Variants in DNAH17 observed in about 807,000 individuals in gnomAD.
DNAH17 encodes the protein axonemal beta dynein heavy chain 17.
Under a neutral mutation model 485.6 loss-of-function variants are expected in DNAH17, and 376 were observed. The observed-to-expected ratio is 0.77, with a 90% CI of 0.71 to 0.84. The LOEUF is 0.84. Ranked by LOEUF, DNAH17 falls within the 40% of genes least tolerant of loss-of-function variation. The pLI is 0.00. For synonymous variants in DNAH17, 3,031 were observed against 2,405.9 expected, an observed-to-expected ratio of 1.26 and a Z score of -7.60; for missense variants, 6,370 against 5,839.3, an observed-to-expected ratio of 1.09 and a Z score of -2.96.
chr17:78,432,204 A>AAAAT (rs10656175), intron 75 of DNAH17, among the ~76,000 whole-genome samples: 5 of 150,316 alleles, frequency 3.3e-5, no homozygotes, highest in Admixed American at 6.7e-5. Context: ...ATAAATAAAT[A>AAAAT]AAATAAATAA....
rs191565822 is a variant in DNAH17 at position 78,445,693 on chromosome 17, C to T, written c.11212-13G>A. The T allele has an allele frequency of 1.9e-6, 3 of 1,589,446 alleles. No homozygotes were observed. The highest frequency in any genetic ancestry group is 1.3e-5 in the African/African-American group (1 of 74,528). On this transcript the variant is annotated splice_polypyrimidine_tract_variant and intron_variant, in intron 69 of 80. Coordinates refer to ENST00000389840, the MANE Select transcript of DNAH17 (RefSeq NM_173628.4). ...TCATGGACAGGACCTGGGGGAACAT[C>T]GAGGTGTACACACTTAACGCAGCCA...
Position 78,425,509 on chromosome 17 carries a change from G to A in DNAH17, c.12978C>T (p.Phe4326=), listed in dbSNP as rs752319772. 1.2e-6 allele frequency: 2 copies of A among 1,613,886 alleles called. No homozygotes were observed. The highest frequency in any genetic ancestry group is 1.7e-5 in the Admixed American group (1 of 60,030). Reference sequence around the variant, plus strand: ...TGGCCGTGAGGAACGACTGGGGGTTGAAGAAGCCGGCCAGCCACACGGTGG... The same window carrying A: ...TGGCCGTGAGGAACGACTGGGGGTTAAAGAAGCCGGCCAGCCACACGGTGG... ...LPTTVWLAGF[F]NPQSFLTAIM... is the part of the protein sequence containing the mutation. The change falls in exon 80 of 81, where the codon TTC becomes TTT. Residue 4326 remains phenylalanine, a synonymous_variant. Transcript: ENST00000389840.
chr17:78,454,982 C>A (rs768830841), intron 63 of DNAH17, among the ~76,000 whole-genome samples: 1 of 152,008 alleles, frequency 6.6e-6, no homozygotes, highest in African/African-American at 2.4e-5. Context: ...TGATCTTGGC[C>A]CACCGTAACC....
chr17:78,569,701 C>G (rs76659652), intron 7 of DNAH17, among the ~76,000 whole-genome samples, 174 bp from the exon 8 acceptor site: 1 of 152,250 alleles, frequency 6.6e-6, no homozygotes, highest in South Asian at 2.1e-4. Flanking sequence ...TTCCCCTCCT[C>G]GGCCCCTCAT....
At chr17:78,563,845 T>C (rs750287968) in intron 11 of DNAH17, among the ~76,000 whole-genome samples, 7 of 152,144 alleles carry the variant, frequency 4.6e-5, no homozygotes, top group Non-Finnish European at 8.8e-5. Context: ...GAAAATGTTC[T>C]TAGGTCAAAG....
In DNAH17 at chr17:78,525,331, C is replaced by T. The variant is rs79734879; in HGVS notation, c.3712-170G>A. 0.13 allele frequency among the ~76,000 whole-genome samples: 20,003 copies of T among 152,182 alleles called. 1,716 individuals carry two copies. Among genetic ancestry groups the T allele is most frequent in the Middle Eastern group, 0.23 (66 of 292 alleles). ...GGAGGGAGGACAGAGCCCTCCATCC[C>T]CCAAGGCCTCCTGGGTCCTGCCTGC... On this transcript the variant is annotated intron_variant, in intron 24 of 80. Transcript: ENST00000389840.
At chr17:78,545,487 G>T (rs953837739) in intron 16 of DNAH17, among the ~76,000 whole-genome samples, 1 of 152,112 alleles carries the variant, frequency 6.6e-6, no homozygotes, top group Admixed American at 6.5e-5. Flanking sequence ...GATGATGGCC[G>T]CCTTCTTGTT....
intron 56 of DNAH17, among the ~76,000 whole-genome samples, chr17:78,464,124 A>C (rs1175739255): frequency 6.6e-6 from 1 of 152,230 alleles, no homozygotes; most frequent in African/African-American, 2.4e-5. Flanking sequence ...AAAAGAAACA[A>C]GAGATGGTAA....
intron 62 of DNAH17, among the ~76,000 whole-genome samples, chr17:78,456,326 A>G (rs1335124659): frequency 6.6e-6 from 1 of 151,982 alleles, no homozygotes; most frequent in Non-Finnish European, 1.5e-5. Flanking sequence ...AAAAAATAAA[A>G]CAAACAAAAA....
rs751500966 is a variant in DNAH17, at chr17:78,502,872, C to G, written c.5082+14G>C. The G allele has an allele frequency of 2.1e-5, 34 of 1,610,654 alleles. No individual in the cohort carries two copies. The highest frequency in any genetic ancestry group is 2.5e-5 in the Non-Finnish European group (29 of 1,178,296). On this transcript the variant is annotated intron_variant, in intron 32 of 80. Coordinates refer to ENST00000389840, the MANE Select transcript of DNAH17 (RefSeq NM_173628.4). ...CAGCCACGAGGCGCCGCCGAGCCCC[C>G]ACCCGCCTCAGACCTGGGCTGGGTA...
At chr17:78,540,010 C>T in intron 17 of DNAH17, 130 bp from the exon 18 acceptor site, 2 of 898,804 alleles carry the variant, frequency 2.2e-6, no homozygotes, top group East Asian at 6.4e-5. Flanking sequence ...CTTTGAGCAT[C>T]TTGCTGGTGC....
chr17:78,468,344 G>A (rs983935877), intron 55 of DNAH17, among the ~76,000 whole-genome samples: 2 of 152,110 alleles, frequency 1.3e-5, no homozygotes, highest in African/African-American at 2.4e-5. Flanking sequence ...GTGGATTCTG[G>A]TATCCATGGC....
rs2092283344 is a variant in DNAH17 at position 78,567,307 on chromosome 17, C to T, written c.1285-141G>A. On this transcript the variant is annotated intron_variant, in intron 9 of 80. Transcript: ENST00000389840. ...GACACCAACCATGGGGGTGGGAGGA[C>T]ACCCTCTGTGTCTGTGCTGTTCTTT... The T allele has an allele frequency of 5.1e-6, 4 of 788,158 alleles. No homozygotes were observed. The Admixed American group carries it at 1.1e-4, about 22-fold the overall frequency. The allele number at this position is 788,158 out of a possible 1,614,324, so 48.8% of individuals were successfully genotyped here. A position where few individuals can be genotyped will look rare whatever the true frequency, so the allele number is the denominator to read the frequency against.
intron 68 of DNAH17, 133 bp from the exon 69 acceptor site, chr17:78,449,717 G>T: frequency 8.6e-6 from 8 of 931,880 alleles, no homozygotes; most frequent in Non-Finnish European, 1.3e-5. Context: ...TTGCTCTGTC[G>T]CCCAGGCTGG....
chr17:78,507,620 G>T lies in DNAH17; in HGVS notation c.4422C>A (p.Ser1474Arg). 1 of 1,614,154 alleles carries T rather than the reference G, an allele frequency of 6.2e-7. No homozygotes were observed. Residue 1474 changes from serine to arginine, a missense_variant, in exon 28 of 81, where the codon AGC becomes AGA. Ser to Arg is a moderately radical substitution (Grantham distance 110). Coordinates refer to ENST00000389840, the MANE Select transcript of DNAH17 (RefSeq NM_173628.4). ...CCGCCGTGGACAGCTTCTGCTGCCAGCTTGTCACCTCCTTCAGGAAGTGGG... is the reference window on the plus strand; with the variant it reads ...CCGCCGTGGACAGCTTCTGCTGCCATCTTGTCACCTCCTTCAGGAAGTGGG... ...YLAHFLKEVT[S>R]WQQKLSTADS...
rs1401085763 is a variant in DNAH17, at chr17:78,434,058, G to C, written c.12196C>G (p.Leu4066Val). 6.2e-7 allele frequency: 1 copy of C among 1,612,660 alleles called. No individual in the cohort carries two copies. The highest frequency in any genetic ancestry group is 1.7e-5 in the Admixed American group (1 of 59,960). Reference sequence around the variant, plus strand: ...GGGTTGGCCTCCAGGTAGTTGTAGAGCACGTTGATGGAGATGGTGAGGTCC... The same window carrying C: ...GGGTTGGCCTCCAGGTAGTTGTAGACCACGTTGATGGAGATGGTGAGGTCC... ...NGDLTISINVLYNYLEANPKV... is the reference protein window; with the variant it reads ...NGDLTISINVVYNYLEANPKV... Residue 4066 changes from leucine to valine, a missense_variant, in exon 75 of 81, where the codon CTC becomes GTC. Coordinates refer to ENST00000389840, the MANE Select transcript of DNAH17 (RefSeq NM_173628.4).
Position 78,502,875 on chromosome 17 carries a change from C to T in DNAH17, c.5082+11G>A, listed in dbSNP as rs1215015926. 7 of 1,611,044 alleles carry T rather than the reference C, an allele frequency of 4.3e-6. No homozygotes were observed. The African/African-American group carries it at 8.0e-5, about 18-fold the overall frequency. ...CCACGAGGCGCCGCCGAGCCCCCAC[C>T]CGCCTCAGACCTGGGCTGGGTAGTC... On this transcript the variant is annotated intron_variant, in intron 32 of 80. Transcript: ENST00000389840.
chr17:78,551,815 T>C (rs970031192), intron 15 of DNAH17, among the ~76,000 whole-genome samples, 177 bp from the exon 16 acceptor site: 2 of 151,810 alleles, frequency 1.3e-5, no homozygotes, highest in Non-Finnish European at 2.9e-5. Context: ...TACAAAAAAT[T>C]AGCTGGGCAT....
rs776649080 is a variant in DNAH17, at chr17:78,458,646, G to A, written c.9896C>T (p.Ala3299Val). ...LNANLSNLTSAFEKATAEKIK... is the reference protein window; with the variant it reads ...LNANLSNLTSVFEKATAEKIK... The stretch of plus-strand genomic sequence containing the variant: ...TTTCTCAGCTGTTGCTTTTTCAAAC[G>A]CTGAGGTTAGGTTGCTCAGGTTGGC... The change falls in exon 62 of 81, where the codon GCG becomes GTG. Residue 3299 changes from alanine to valine, a missense_variant. Physicochemically the swap from Ala to Val is moderately conservative, Grantham distance 64. Transcript: ENST00000389840. 8 of 1,613,864 alleles carry A rather than the reference G, an allele frequency of 5.0e-6. No homozygotes were observed. Among genetic ancestry groups the A allele is most frequent in the Admixed American group, 1.7e-5 (1 of 60,004 alleles).
Sources: allele counts gnomAD v4.1 joint callset (sites outside exome capture counted in the v4.1 genomes callset), GRCh38; gene constraint gnomAD v4.1.1; transcripts MANE v1.5; gene names NCBI Gene and HGNC (gene_info 2026-07-23, HGNC 2026-07-21).